The following NIM1K variants were observed in gnomAD, a reference collection of about 807,000 sequenced individuals.
The protein encoded by NIM1K is serine/threonine-protein kinase NIM1.
A neutral mutation model predicts 37.1 loss-of-function variants in NIM1K; 35 were observed. The observed-to-expected ratio is 0.94, with a 90% CI of 0.72 to 1.25. NIM1K has a LOEUF of 1.25. Among genes scored for constraint, NIM1K ranks in the 50% most tolerant of loss-of-function variants. NIM1K has a pLI of 0.00. For synonymous variants in NIM1K, 234 were observed against 206.6 expected (o/e 1.13, Z -1.14); for missense variants, 564 against 548.0 (o/e 1.03, Z -0.29).
intron 2 of NIM1K, among the ~76,000 whole-genome samples, chr5:43,256,984 G>A (rs935465530): frequency 5.9e-5 from 9 of 152,028 alleles, no homozygotes; most frequent in South Asian, 2.1e-4. Context: ...AAACTAAGAC[G>A]ACACCCAAGT....
intron 1 of NIM1K, chr5:43,232,958 T>A (rs1351722026): frequency 1.5e-5 from 17 of 1,128,710 alleles, no homozygotes; most frequent in Non-Finnish European, 2.3e-5. Context: ...TCAATTACCA[T>A]GGGTTTCAGG....
At position 43,198,210 on chromosome 5, in the gene NIM1K, T is replaced by TTTCTTTCTTTCTTTCC. The variant is rs1561070015; in HGVS notation, c.-695+5814_-695+5815insCTTCTTTCTTTCTTTC. Among the ~76,000 whole-genome samples the TTTCTTTCTTTCTTTCC allele has an allele frequency of 5.2e-4, 43 of 82,324 alleles. 2 individuals are homozygous for TTTCTTTCTTTCTTTCC. In the East Asian group the frequency reaches 0.013, roughly 25 times the overall value. The allele number at this position is 82,324 out of a possible 152,430, so 54.0% of individuals were successfully genotyped here. On this transcript the variant is annotated intron_variant, in intron 1 of 3. Transcript: ENST00000326035. Reference sequence around the variant, plus strand: ...TTCTTTCTTTCTTTCTTTCTTTCTCTTTCTTTCTTTCTTTCTTTCTTTCTT... The same window carrying TTTCTTTCTTTCTTTCC: ...TTCTTTCTTTCTTTCTTTCTTTCTCTTTCTTTCTTTCTTTCCTTCTTTCTTTCTTTCTTTCTTTCTT...
intron 1 of NIM1K, among the ~76,000 whole-genome samples, chr5:43,220,884 G>T (rs570648651): frequency 1.3e-5 from 2 of 152,220 alleles, no homozygotes; most frequent in East Asian, 1.9e-4. Context: ...GTAAGCATAG[G>T]GGGGACATGA....
intron 1 of NIM1K, among the ~76,000 whole-genome samples, chr5:43,222,769 T>C (rs994745793): frequency 1.3e-5 from 2 of 151,786 alleles, no homozygotes; most frequent in Admixed American, 1.3e-4. Flanking sequence ...AAAGCCTGCT[T>C]TGTAGCAGGC....
chr5:43,232,285 A>G, intron 1 of NIM1K: 2 of 1,153,090 alleles, frequency 1.7e-6, no homozygotes, highest in East Asian at 2.5e-5. Flanking sequence ...TGGCAGGCTG[A>G]AAGCAAGCAC....
intron 2 of NIM1K, among the ~76,000 whole-genome samples, chr5:43,257,727 T>C (rs1050197762): frequency 1.3e-5 from 2 of 151,646 alleles, no homozygotes; most frequent in African/African-American, 4.8e-5. Context: ...GGAAGTGGAG[T>C]CAAGAGAGGC....
intron 1 of NIM1K, among the ~76,000 whole-genome samples, chr5:43,237,248 T>G (rs1486363423): frequency 2.6e-5 from 4 of 152,224 alleles, no homozygotes; most frequent in Non-Finnish European, 5.9e-5. Flanking sequence ...TGGTTTTCAT[T>G]GATATTATTT....
chr5:43,246,412 C>G (rs1752779805), intron 2 of NIM1K, among the ~76,000 whole-genome samples: 1 of 152,118 alleles, frequency 6.6e-6, no homozygotes, highest in Admixed American at 6.5e-5. Context: ...TCCGGTGAGG[C>G]CCTTGAGAAG....
At position 43,232,783 on chromosome 5, in the gene NIM1K, A is replaced by G. The variant is rs1247240389; in HGVS notation, c.-694-12299A>G. Reference sequence around the variant, plus strand: ...GAAAAACAAGAAGCCTTGGCGATCCATGCACTGTTCAGCCAGTTTACAAAT... The same window carrying G: ...GAAAAACAAGAAGCCTTGGCGATCCGTGCACTGTTCAGCCAGTTTACAAAT... On this transcript the variant is annotated intron_variant, in intron 1 of 3. Transcript: ENST00000326035. 9 of 1,102,768 alleles carry G rather than the reference A, an allele frequency of 8.2e-6. No individual in the cohort carries two copies. In the African/African-American group the frequency reaches 9.2e-5, roughly 11 times the overall value. The allele number at this position is 1,102,768 out of a possible 1,614,324, so 68.3% of individuals were successfully genotyped here.
rs183976633 is a variant in NIM1K, at chr5:43,222,400, T to C, written c.-694-22682T>C. On this transcript the variant is annotated intron_variant, in intron 1 of 3. Transcript: ENST00000326035. ...GAAAACCTGTGGTATTCCACATTTA[T>C]TTACTCATTCATTCACCCCTGAAAC... Among the ~76,000 whole-genome samples the C allele has an allele frequency of 2.6e-4, 40 of 152,278 alleles. No homozygotes were observed. The East Asian group carries it at 6.6e-3, about 25-fold the overall frequency.
chr5:43,198,492 A>G (rs1751969174), intron 1 of NIM1K, among the ~76,000 whole-genome samples: 1 of 137,948 alleles, frequency 7.2e-6, no homozygotes, highest in Non-Finnish European at 1.6e-5. Flanking sequence ...ATTGCCTTTT[A>G]TTTTCAACAA....
At chr5:43,264,764 G>T (rs565677415) in intron 2 of NIM1K, among the ~76,000 whole-genome samples, 30 of 152,306 alleles carry the variant, frequency 2.0e-4, no homozygotes, top group African/African-American at 5.5e-4. Flanking sequence ...GGTACTGGTT[G>T]TTCCTTTCCA....
intron 1 of NIM1K, among the ~76,000 whole-genome samples, chr5:43,233,714 C>A (rs1752575784): frequency 6.6e-6 from 1 of 152,220 alleles, no homozygotes; most frequent in Non-Finnish European, 1.5e-5. Flanking sequence ...AGCAAAAGAG[C>A]AGTTTCTGCT....
At chr5:43,238,364 A>G (rs192212461) in intron 1 of NIM1K, among the ~76,000 whole-genome samples, 10 of 151,988 alleles carry the variant, frequency 6.6e-5, no homozygotes, top group Non-Finnish European at 1.5e-4. Flanking sequence ...TTAATTTCCA[A>G]GACAGCTCTT....
At chr5:43,261,131 T>C (rs1753023495) in intron 2 of NIM1K, among the ~76,000 whole-genome samples, 1 of 152,184 alleles carries the variant, frequency 6.6e-6, no homozygotes, top group African/African-American at 2.4e-5. Flanking sequence ...TACCCAGTAA[T>C]GGGATGGCTG....
At chr5:43,230,333 C>G (rs1752519544) in intron 1 of NIM1K, among the ~76,000 whole-genome samples, 1 of 151,840 alleles carries the variant, frequency 6.6e-6, no homozygotes, top group Non-Finnish European at 1.5e-5. Context: ...CCCACTGTGT[C>G]CACATTCTAG....
In NIM1K at chr5:43,246,004, C is replaced by G; in HGVS notation, c.229C>G (p.Arg77Gly). ...GAAACGGATAGGCTTCTACCGAATT[C>G]GAGGGGAAATCGGAAGTGGAAACTT... The part of the protein sequence containing the change: ...LGKRIGFYRI[R>G]GEIGSGNFSQ... The change falls in exon 2 of 4, where the codon CGA becomes GGA. Residue 77 changes from arginine to glycine, a missense_variant. Arg to Gly is a moderately radical substitution (Grantham distance 125). Coordinates refer to ENST00000326035, the MANE Select transcript of NIM1K (RefSeq NM_153361.4). 6.2e-7 allele frequency: 1 copy of G among 1,613,978 alleles called. No homozygotes were observed. Among genetic ancestry groups the G allele is most frequent in the South Asian group, 1.1e-5 (1 of 91,066 alleles).
At chr5:43,244,744 A>T (rs10941613) in intron 1 of NIM1K, among the ~76,000 whole-genome samples, 1 of 152,046 alleles carries the variant, frequency 6.6e-6, no homozygotes, top group Non-Finnish European at 1.5e-5. Flanking sequence ...TTAGTAATCC[A>T]GAATCTTTCA....
At chr5:43,207,506 AT>A in intron 1 of NIM1K, 1 of 728,090 alleles carries the variant, frequency 1.4e-6, no homozygotes, top group East Asian at 2.8e-5. Context: ...TTATTATGTG[AT>A]TAATGATTTA....
Sources: allele counts gnomAD v4.1 joint callset (sites outside exome capture counted in the v4.1 genomes callset), GRCh38; gene constraint gnomAD v4.1.1; transcripts MANE v1.5; gene names NCBI Gene and HGNC (gene_info 2026-07-23, HGNC 2026-07-21).